The following KATNIP variants were observed in gnomAD, a reference collection of about 807,000 sequenced individuals.
The protein encoded by KATNIP is katanin-interacting protein.
KATNIP carries 126 observed loss-of-function variants against 174.0 expected under a neutral mutation model. The observed-to-expected ratio is 0.72, with a 90% CI of 0.63 to 0.84. The LOEUF (loss-of-function observed/expected upper bound fraction) is 0.84. Among genes scored for constraint, KATNIP ranks in the 40% least tolerant of loss-of-function variants. KATNIP has a pLI of 0.00. For missense variants in KATNIP, 1,958 were observed against 2,109.7 expected (o/e 0.93, Z 1.41); for synonymous variants, 810 against 835.7 (o/e 0.97, Z 0.53).
Position 27,713,852 on chromosome 16 carries a change from A to C in KATNIP, c.1605+4932A>C, listed in dbSNP as rs1434071343. ...TATATATATATATATATATATATAT[A>C]TATATCTATCTCAGATTGTGCCCTT... is the stretch of plus-strand genomic sequence containing the variant. On this transcript the variant is annotated intron_variant, in intron 13 of 27. Transcript: ENST00000261588. 1.2e-3 allele frequency among the ~76,000 whole-genome samples: 91 copies of C among 73,906 alleles called. 1 individual carries two copies. The highest frequency in any genetic ancestry group is 3.3e-3 in the East Asian group (10 of 3,022). 48.5% of individuals were successfully genotyped at this position (73,906 alleles called of 152,430 possible). A position where few individuals can be genotyped will look rare whatever the true frequency, so the allele number is the denominator to read the frequency against.
intron 15 of KATNIP, among the ~76,000 whole-genome samples, chr16:27,743,892 C>T (rs958061922): frequency 6.6e-6 from 1 of 152,114 alleles, no homozygotes; most frequent in Non-Finnish European, 1.5e-5. Flanking sequence ...CAAGCTTTCC[C>T]AGCAAACAGT....
chr16:27,711,447 T>C (rs2143003289), intron 13 of KATNIP, among the ~76,000 whole-genome samples: 1 of 152,146 alleles, frequency 6.6e-6, no homozygotes, highest in Admixed American at 6.5e-5. Flanking sequence ...GAAGGGGAGA[T>C]GGAGAAAAGG....
chr16:27,580,060 A>G (rs750352400), intron 2 of KATNIP, among the ~76,000 whole-genome samples: 6 of 152,026 alleles, frequency 3.9e-5, no homozygotes, highest in Non-Finnish European at 7.4e-5. Flanking sequence ...GCAACCACAG[A>G]CACACCTCTG....
At chr16:27,747,777 G>T (rs1472150644) in intron 15 of KATNIP, among the ~76,000 whole-genome samples, 2 of 152,070 alleles carry the variant, frequency 1.3e-5, no homozygotes, top group African/African-American at 4.8e-5. Context: ...TGGGAGGGGT[G>T]GCAGAGCACC....
intron 6 of KATNIP, 70 bp from the exon 7 acceptor site, chr16:27,677,659 A>G (rs1381793024): frequency 9.9e-6 from 14 of 1,418,730 alleles, no homozygotes; most frequent in Non-Finnish European, 1.2e-5. Flanking sequence ...GGTTCAAATG[A>G]TCTATTTTCA....
At chr16:27,743,971 G>C (rs1722267990) in intron 15 of KATNIP, among the ~76,000 whole-genome samples, 1 of 152,160 alleles carries the variant, frequency 6.6e-6, no homozygotes, top group African/African-American at 2.4e-5. Flanking sequence ...AAGAGATTTT[G>C]TTTCACTTTA....
chr16:27,742,781 T>G (rs974285229), intron 15 of KATNIP, among the ~76,000 whole-genome samples: 2 of 152,248 alleles, frequency 1.3e-5, no homozygotes, highest in African/African-American at 4.8e-5. Context: ...TCTGTGATGC[T>G]GCCTCTTGGT....
chr16:27,666,781 C>T (rs1319943773), intron 6 of KATNIP, among the ~76,000 whole-genome samples: 1 of 152,150 alleles, frequency 6.6e-6, no homozygotes, highest in East Asian at 1.9e-4. Context: ...AATCCCAGTA[C>T]TTTGGGATGC....
At chr16:27,735,259 A>C (rs1308671263) in intron 14 of KATNIP, among the ~76,000 whole-genome samples, 1 of 151,716 alleles carries the variant, frequency 6.6e-6, no homozygotes, top group African/African-American at 2.4e-5. Flanking sequence ...CCTCTCCGCC[A>C]GACGTCTTGG....
chr16:27,725,980 G>A (rs1373563203), intron 14 of KATNIP, among the ~76,000 whole-genome samples: 1 of 152,120 alleles, frequency 6.6e-6, no homozygotes, highest in African/African-American at 2.4e-5. Flanking sequence ...TCTAGGCCAG[G>A]GGTCCCCAGC....
At position 27,698,314 on chromosome 16, in the gene KATNIP, T is replaced by A; in HGVS notation, c.941-14T>A. On this transcript the variant is annotated splice_polypyrimidine_tract_variant and intron_variant, in intron 8 of 27. Transcript: ENST00000261588. ...TATAATCTAAAAGAACGTCCCCCTG[T>A]CTTCTGCCCTCAGGACCTGGAAGCC... 6.3e-7 allele frequency: 1 copy of A among 1,598,364 alleles called. No individual in the cohort carries two copies. Among genetic ancestry groups the A allele is most frequent in the East Asian group, 2.2e-5 (1 of 44,468 alleles).
intron 15 of KATNIP, among the ~76,000 whole-genome samples, chr16:27,746,472 G>A (rs1233273392): frequency 6.6e-6 from 1 of 152,196 alleles, no homozygotes; most frequent in Non-Finnish European, 1.5e-5. Flanking sequence ...GACAGGGGCA[G>A]AGGAACTGAC....
chr16:27,615,596 G>A (rs997888104), intron 2 of KATNIP, among the ~76,000 whole-genome samples: 2 of 152,010 alleles, frequency 1.3e-5, no homozygotes, highest in East Asian at 1.9e-4. Context: ...CCTTGTGATC[G>A]GCCCACCTCA....
chr16:27,760,331 C>T lies in KATNIP; in HGVS notation c.3632-1082C>T, dbSNP rs566399451. Among the ~76,000 whole-genome samples, 5 of 152,238 alleles carry T rather than the reference C, an allele frequency of 3.3e-5. No homozygotes were observed. The South Asian group carries it at 1.0e-3, about 32-fold the overall frequency. On this transcript the variant is annotated intron_variant, in intron 18 of 27. Transcript: ENST00000261588. ...GTTTGGTCTTGCTCTAATGAGACAC[C>T]GTTAAGGAAAGAGACGTTCCAGCCA...
chr16:27,608,602 C>T (rs1246613533), intron 2 of KATNIP, among the ~76,000 whole-genome samples: 1 of 151,774 alleles, frequency 6.6e-6, no homozygotes, highest in African/African-American at 2.4e-5. Context: ...ACTGTAGCCT[C>T]GAGCTCCTGG....
intron 14 of KATNIP, among the ~76,000 whole-genome samples, chr16:27,737,660 A>C (rs1025172474): frequency 6.6e-6 from 1 of 152,192 alleles, no homozygotes; most frequent in African/African-American, 2.4e-5. Context: ...CCAGCGAGGC[A>C]GGAGGAAAGC....
intron 6 of KATNIP, among the ~76,000 whole-genome samples, chr16:27,674,673 A>T (rs932218640): frequency 1.3e-5 from 2 of 152,324 alleles, no homozygotes; most frequent in African/African-American, 4.8e-5. Context: ...TCACCTAATC[A>T]TATCTTCAAG....
chr16:27,768,858 G>A (rs57610978), intron 20 of KATNIP, among the ~76,000 whole-genome samples: 3 of 152,174 alleles, frequency 2.0e-5, no homozygotes, highest in African/African-American at 4.8e-5. Flanking sequence ...CAGGAGGAGC[G>A]CCTCTGCCTC....
At chr16:27,754,735 G>A (rs1203190337) in intron 18 of KATNIP, 1 of 153,196 alleles carries the variant, frequency 6.5e-6, no homozygotes, top group Non-Finnish European at 1.5e-5. Flanking sequence ...AGGGTACCAG[G>A]TCTTCTGACT....
Sources: allele counts gnomAD v4.1 joint callset (sites outside exome capture counted in the v4.1 genomes callset), GRCh38; gene constraint gnomAD v4.1.1; transcripts MANE v1.5; gene names NCBI Gene and HGNC (gene_info 2026-07-23, HGNC 2026-07-21).